FASN: variants seen among roughly 807,000 people sequenced by gnomAD.
FASN encodes 3-hydroxyacyl-[acyl-carrier-protein] dehydratase.
In FASN, 50 loss-of-function variants were observed where a neutral mutation model predicts 250.0. That is an observed-to-expected ratio of 0.20 (90% confidence interval 0.16 to 0.25). FASN has a LOEUF of 0.25. Among genes scored for constraint, FASN ranks in the 10% least tolerant of loss-of-function variants. The pLI is 1.00. For synonymous variants in FASN, 1,909 were observed against 1,584.0 expected (o/e 1.21, Z -4.87); for missense variants, 3,031 against 3,498.5 (o/e 0.87, Z 3.37).
chr17:82,086,123 C>A (rs1271004556), intron 22 of FASN, 131 bp downstream of exon 22: 1 of 1,473,904 alleles, frequency 6.8e-7, no homozygotes, highest in Non-Finnish European at 9.1e-7. Context: ...TGCACAGAAC[C>A]ACACAGGGAA....
Position 82,091,359 on chromosome 17 carries a change from C to G in FASN, c.1355G>C (p.Ser452Thr). ...GACAGCCGCGATGTCGTTCAGCATG[C>G]TCAGGAAAGCCAGGTCCTGGCTGTG... is the stretch of plus-strand genomic sequence containing the variant. ...LRHSQDLAFL[S>T]MLNDIAAVPA... The change falls in exon 9 of 43, where the codon AGC becomes ACC. Residue 452 changes from serine to threonine, a missense_variant. Transcript: ENST00000306749. 6.2e-7 allele frequency: 1 copy of G among 1,611,142 alleles called. No individual in the cohort carries two copies. Among genetic ancestry groups the G allele is most frequent in the Non-Finnish European group, 8.5e-7 (1 of 1,179,328 alleles).
In FASN at chr17:82,087,706, T is replaced by C; in HGVS notation, c.3022A>G (p.Ile1008Val). The change falls in exon 19 of 43, where the codon ATC (isoleucine) becomes GTC (valine). Residue 1008 changes from isoleucine (I) to valine (V), a missense_variant. Coordinates refer to ENST00000306749, the MANE Select transcript of FASN (RefSeq NM_004104.5). ...CCACCTTCCAGGCTGGCCTCCAGGATGCCCTGGAAATGAGGGCCGTAGTCG... is the reference window on the plus strand; with the variant it reads ...CCACCTTCCAGGCTGGCCTCCAGGACGCCCTGGAAATGAGGGCCGTAGTCG... ...GYDYGPHFQGILEASLEGDSG... is the reference protein window; with the variant it reads ...GYDYGPHFQGVLEASLEGDSG... 6.2e-7 allele frequency: 1 copy of C among 1,611,988 alleles called. No individual in the cohort carries two copies. Among genetic ancestry groups the C allele is most frequent in the South Asian group, 1.1e-5 (1 of 91,070 alleles).
In FASN at chr17:82,083,319, G is replaced by A. The variant is rs972793940; in HGVS notation, c.5448C>T (p.Ala1816=). 3.5e-5 allele frequency: 57 copies of A among 1,612,584 alleles called. No homozygotes were observed. The highest frequency in any genetic ancestry group is 2.2e-4 in the Admixed American group (13 of 60,006). ...DWREVWALVQ[A]GIRDGVVRPL... is the part of the protein sequence containing the mutation. ...GCCGTACCACCCCATCCCGGATGCCGGCCTGCACAAGCGCCCACACCTCCC... is the reference window on the plus strand; with the variant it reads ...GCCGTACCACCCCATCCCGGATGCCAGCCTGCACAAGCGCCCACACCTCCC... Residue 1816 remains alanine, a synonymous_variant, in exon 32 of 43, where the codon GCC becomes GCT. Coordinates refer to ENST00000306749, the MANE Select transcript of FASN (RefSeq NM_004104.5).
At position 82,091,309 on chromosome 17, in the gene FASN, C is replaced by T. The variant is rs2034202136; in HGVS notation, c.1405G>A (p.Gly469Ser). ...CGCTCACCACCCAGCACAGCGTAGC[C>T]ACGGAAGGGCATGGCGGTGGCGGGG... ...AVPATAMPFR[G>S]YAVLGGERGG... The change falls in exon 9 of 43, where the codon GGC (glycine) becomes AGC (serine). Residue 469 changes from glycine (G) to serine (S), a missense_variant. Physicochemically the swap from Gly to Ser is moderately conservative, Grantham distance 56. Transcript: ENST00000306749. 7.4e-6 allele frequency: 12 copies of T among 1,610,898 alleles called. No homozygotes were observed. The highest frequency in any genetic ancestry group is 1.0e-5 in the Non-Finnish European group (12 of 1,179,332).
chr17:82,080,292 G>A (rs1204539015), intron 40 of FASN, 54 bp from the exon 41 acceptor site: 5 of 1,610,946 alleles, frequency 3.1e-6, no homozygotes, highest in South Asian at 1.1e-5. Context: ...CCTCCTAAGC[G>A]ACGGTCCCCC....
In FASN at chr17:82,085,563, C is replaced by A; in HGVS notation, c.4041G>T (p.Leu1347=). The change falls in exon 23 of 43, where the codon CTG becomes CTT. Residue 1347 remains leucine (L), a synonymous_variant. Coordinates refer to ENST00000306749, the MANE Select transcript of FASN (RefSeq NM_004104.5). ...REGGFLLLHT[L]LRGHPLGDIV... ...TGTCCCCGAGGGGGTGCCCCCGGAG[C>A]AGTGTGTGCAGGAGCAGAAAGCCCC... is the stretch of plus-strand genomic sequence containing the variant. 2 of 1,595,792 alleles carry A rather than the reference C, an allele frequency of 1.3e-6. No homozygotes were observed. The highest frequency in any genetic ancestry group is 1.7e-6 in the Non-Finnish European group (2 of 1,171,962).
At position 82,092,796 on chromosome 17, in the gene FASN, T is replaced by G; in HGVS notation, c.795A>C (p.Ser265=). ...GFKEQGVTFP[S]GDIQEQLIRS... Reference sequence around the variant, plus strand: ...GGATGAGCTGCTCCTGGATATCCCCTGAGGGGAAGGTCACGCCTGCGGAGG... The same window carrying G: ...GGATGAGCTGCTCCTGGATATCCCCGGAGGGGAAGGTCACGCCTGCGGAGG... Residue 265 remains serine (S), a synonymous_variant, in exon 7 of 43, where the codon TCA becomes TCC. Coordinates refer to ENST00000306749, the MANE Select transcript of FASN (RefSeq NM_004104.5). 1 of 1,601,430 alleles carries G rather than the reference T, an allele frequency of 6.2e-7. No homozygotes were observed. The highest frequency in any genetic ancestry group is 8.5e-7 in the Non-Finnish European group (1 of 1,175,274).
rs764409477 is a variant in FASN, at chr17:82,080,122, G to A, written c.7146+18C>T. 2.5e-6 allele frequency: 4 copies of A among 1,607,084 alleles called. No homozygotes were observed. Among genetic ancestry groups the A allele is most frequent in the Non-Finnish European group, 2.6e-6 (3 of 1,174,564 alleles). ...CAGTACTCTGGGTCCTGCGGCCTCAGGGGTGTCCAGGACCCACCCTGTTGT... is the reference window on the plus strand; with the variant it reads ...CAGTACTCTGGGTCCTGCGGCCTCAAGGGTGTCCAGGACCCACCCTGTTGT... On this transcript the variant is annotated intron_variant, in intron 41 of 42. Coordinates refer to ENST00000306749, the MANE Select transcript of FASN (RefSeq NM_004104.5).
rs2034253200 is a variant in FASN at position 82,093,615 on chromosome 17, A to G, written c.437T>C (p.Phe146Ser). 2.5e-6 allele frequency: 4 copies of G among 1,612,722 alleles called. No individual in the cohort carries two copies. Among genetic ancestry groups the G allele is most frequent in the Non-Finnish European group, 3.4e-6 (4 of 1,179,960 alleles). Reference sequence around the variant, plus strand: ...GGACCCACCTCTGAAGTCGAAGAAGAAGGAGAGCCGGTTGGCCATCATCGC... The same window carrying G: ...GGACCCACCTCTGAAGTCGAAGAAGGAGGAGAGCCGGTTGGCCATCATCGC... ...QRAMMANRLS[F>S]FFDFRGPSIA... Residue 146 changes from phenylalanine (F) to serine (S), a missense_variant, in exon 4 of 43, where the codon TTC becomes TCC. Physicochemically the swap from Phe to Ser is radical, Grantham distance 155. Coordinates refer to ENST00000306749, the MANE Select transcript of FASN (RefSeq NM_004104.5).
rs1158493767 is a variant in FASN at position 82,082,157 on chromosome 17, C to A, written c.6015G>T (p.Val2005=). ...CCAGCTCAGGGCACGCCTCTCGGGT[C>A]ACCCTGTGGGCACGCGTGTCACTCC... is the stretch of plus-strand genomic sequence containing the variant. The part of the protein sequence containing the change: ...KYSGTLNLDR[V]TREACPELDY... Residue 2005 remains valine (V), a synonymous_variant, in exon 36 of 43, where the codon GTG becomes GTT. Coordinates refer to ENST00000306749, the MANE Select transcript of FASN (RefSeq NM_004104.5). The A allele has an allele frequency of 1.9e-6, 3 of 1,602,982 alleles. No homozygotes were observed. The highest frequency in any genetic ancestry group is 2.5e-6 in the Non-Finnish European group (3 of 1,179,924).
Position 82,085,830 on chromosome 17 carries a change from G to A in FASN, c.3774C>T (p.Gly1258=). 2 of 1,556,504 alleles carry A rather than the reference G, an allele frequency of 1.3e-6. No individual in the cohort carries two copies. The highest frequency in any genetic ancestry group is 1.7e-6 in the Non-Finnish European group (2 of 1,155,810). ...GHGHLYSRIP[G]LLSPHPLLQL... ...GCAGCAGGGGATGGGGGCTGAGCAG[G>A]CCTGGGATGCGGGAATACAGGTGAC... Residue 1258 remains glycine, a synonymous_variant, in exon 23 of 43, where the codon GGC becomes GGT. Coordinates refer to ENST00000306749, the MANE Select transcript of FASN (RefSeq NM_004104.5).
chr17:82,089,810 G>C (rs2034171597), intron 11 of FASN, 84 bp from the exon 12 acceptor site: 8 of 1,199,914 alleles, frequency 6.7e-6, no homozygotes, highest in Non-Finnish European at 9.6e-6. Context: ...GCCTGCAGCT[G>C]GGGGCAGTAA....
At chr17:82,094,122 C>A (rs1002460348) in intron 3 of FASN, 8 of 400,320 alleles carry the variant, frequency 2.0e-5, no homozygotes, top group Non-Finnish European at 3.3e-5. Context: ...ACGCCTTTGG[C>A]CCCTGGTGTC....
chr17:82,086,306 C>T lies in FASN; in HGVS notation c.3680G>A (p.Cys1227Tyr). The stretch of plus-strand genomic sequence containing the variant: ...CATGTTCTCCACGGCAGTGTCCAGG[C>T]AGGCCTTGAGTGCCGGGGAGTCCAG... ...GLLDSPALKACLDTAVENMPS... is the reference protein window; with the variant it reads ...GLLDSPALKAYLDTAVENMPS... Residue 1227 changes from cysteine to tyrosine, a missense_variant, in exon 22 of 43, where the codon TGC (cysteine) becomes TAC (tyrosine). Coordinates refer to ENST00000306749, the MANE Select transcript of FASN (RefSeq NM_004104.5). The T allele has an allele frequency of 6.3e-7, 1 of 1,599,050 alleles. No homozygotes were observed. Among genetic ancestry groups the T allele is most frequent in the Non-Finnish European group, 8.5e-7 (1 of 1,177,172 alleles).
At chr17:82,095,520 G>C in intron 2 of FASN, 48 bp from the exon 3 acceptor site, 1 of 1,606,124 alleles carries the variant, frequency 6.2e-7, no homozygotes, top group Non-Finnish European at 8.5e-7. Flanking sequence ...CTGCCCAGAG[G>C]TGGGGGCCCT....
intron 11 of FASN, 151 bp downstream of exon 11, chr17:82,090,224 T>G: frequency 1.4e-6 from 1 of 740,570 alleles, no homozygotes; most frequent in Non-Finnish European, 2.2e-6. Context: ...TGCAGGGGAC[T>G]CGCGCACGGC....
chr17:82,096,533 G>A (rs915865806), intron 1 of FASN, 81 bp from the exon 2 acceptor site: 1 of 1,591,160 alleles, frequency 6.3e-7, no homozygotes, highest in Admixed American at 1.7e-5. Context: ...AGAACAGGTG[G>A]ACACCCATGG....
chr17:82,087,586 C>T (rs1402218471), intron 19 of FASN, 82 bp from the exon 20 acceptor site: 2 of 1,600,788 alleles, frequency 1.2e-6, no homozygotes, highest in East Asian at 2.2e-5. Context: ...CCCTCTGCTC[C>T]CTCCCAAGCT....
At chr17:82,095,897 G>C (rs542449144) in intron 2 of FASN, among the ~76,000 whole-genome samples, 1 of 152,142 alleles carries the variant, frequency 6.6e-6, no homozygotes, top group South Asian at 2.1e-4. Context: ...CCCAGCTCAG[G>C]ACAGACACAG....
Sources: gnomAD v4.1 joint callset for allele counts (sites outside exome capture counted in the v4.1 genomes callset) on GRCh38, gnomAD v4.1.1 for gene constraint, MANE v1.5 for transcripts, NCBI Gene and HGNC (gene_info 2026-07-23, HGNC 2026-07-21) for gene names.